The following PTPRG variants were observed in gnomAD, a reference collection of about 807,000 sequenced individuals.
PTPRG encodes the protein receptor-type tyrosine-protein phosphatase gamma.
A neutral mutation model predicts 165.3 loss-of-function variants in PTPRG; 102 were observed. The observed-to-expected ratio is 0.62, with a 90% CI of 0.53 to 0.73. The LOEUF (loss-of-function observed/expected upper bound fraction) is 0.73. PTPRG is among the 30% of genes least tolerant of loss of function. PTPRG has a pLI of 0.00. For synonymous variants in PTPRG, 675 were observed against 669.5 expected, an observed-to-expected ratio of 1.01 and a Z score of -0.13; for missense variants, 1,866 against 1,861.4, an observed-to-expected ratio of 1.00 and a Z score of -0.05.
At chr3:61,697,083 C>A (rs2030646708) in intron 1 of PTPRG, among the ~76,000 whole-genome samples, 1 of 152,102 alleles carries the variant, frequency 6.6e-6, no homozygotes, top group South Asian at 2.1e-4. Flanking sequence ...TTTTACCTTC[C>A]CTGACCCTTC....
chr3:61,977,024 A>C (rs2040525420), intron 2 of PTPRG, among the ~76,000 whole-genome samples: 1 of 151,146 alleles, frequency 6.6e-6, no homozygotes, highest in Admixed American at 6.6e-5. Flanking sequence ...TTGTTTCTCA[A>C]CCTTGTTTAT....
At chr3:61,649,631 C>T (rs774777542) in intron 1 of PTPRG, among the ~76,000 whole-genome samples, 2 of 152,166 alleles carry the variant, frequency 1.3e-5, no homozygotes, top group Admixed American at 6.5e-5. Flanking sequence ...ACAACACCTA[C>T]GTTTTGGAGG....
At chr3:61,656,318 G>A (rs1013529930) in intron 1 of PTPRG, among the ~76,000 whole-genome samples, 5 of 152,150 alleles carry the variant, frequency 3.3e-5, no homozygotes, top group Non-Finnish European at 5.9e-5. Context: ...CAGAAGGTGA[G>A]GTGACACAGA....
chr3:62,215,155 C>T (rs1700466371), intron 12 of PTPRG, among the ~76,000 whole-genome samples: 1 of 152,088 alleles, frequency 6.6e-6, no homozygotes, highest in Non-Finnish European at 1.5e-5. Flanking sequence ...CCTTGCTTTC[C>T]CCACTCAGGG....
intron 2 of PTPRG, among the ~76,000 whole-genome samples, chr3:61,857,692 A>G (rs1416608743): frequency 1.3e-5 from 2 of 152,226 alleles, no homozygotes; most frequent in South Asian, 4.1e-4. Context: ...TGCAAAGACT[A>G]ATATAGTTCC....
chr3:61,813,543 CTGTGTGTGTGTGTGTGTG>C (rs58097355), intron 2 of PTPRG, among the ~76,000 whole-genome samples: 102 of 116,916 alleles, frequency 8.7e-4, no homozygotes, highest in East Asian at 2.0e-3. Context: ...AAAAGAAAAT[CTGTGTGTGTGTGTGTGTG>C]TGTGTGTGTG....
At chr3:61,971,511 G>T (rs1453704421) in intron 2 of PTPRG, among the ~76,000 whole-genome samples, 10 of 152,178 alleles carry the variant, frequency 6.6e-5, no homozygotes, top group Admixed American at 4.6e-4. Context: ...TGCTCTTACA[G>T]TGCTGGGTAC....
intron 4 of PTPRG, among the ~76,000 whole-genome samples, chr3:62,043,731 G>T (rs1700197597): frequency 6.6e-6 from 1 of 152,136 alleles, no homozygotes; most frequent in South Asian, 2.1e-4. Flanking sequence ...CTTCTGCCAG[G>T]TTTATGATTG....
At chr3:61,590,082 G>A (rs1002174967) in intron 1 of PTPRG, among the ~76,000 whole-genome samples, 3 of 152,056 alleles carry the variant, frequency 2.0e-5, no homozygotes, top group South Asian at 2.1e-4. Flanking sequence ...AATGCCTAGA[G>A]CTTGTGTCCG....
At chr3:61,765,401 T>C (rs946433829) in intron 2 of PTPRG, among the ~76,000 whole-genome samples, 1 of 152,328 alleles carries the variant, frequency 6.6e-6, no homozygotes. Context: ...TGTTTTATTT[T>C]TGAGGTCTCT....
intron 14 of PTPRG, among the ~76,000 whole-genome samples, chr3:62,234,624 T>C (rs920512215): frequency 8.5e-5 from 13 of 152,140 alleles, no homozygotes; most frequent in Admixed American, 3.3e-4. Context: ...TTTATATCTT[T>C]TGCTTGTTTT....
intron 1 of PTPRG, among the ~76,000 whole-genome samples, chr3:61,573,065 G>C (rs963124254): frequency 6.6e-6 from 1 of 152,226 alleles, no homozygotes; most frequent in Admixed American, 6.5e-5. Flanking sequence ...TGGCTGTGTC[G>C]TTTTCTGGCT....
intron 2 of PTPRG, among the ~76,000 whole-genome samples, chr3:61,799,027 A>C (rs73084076): frequency 6.6e-6 from 1 of 151,484 alleles, no homozygotes; most frequent in East Asian, 1.9e-4. Context: ...AACATTAAAA[A>C]TTTTTTTTTA....
intron 8 of PTPRG, among the ~76,000 whole-genome samples, chr3:62,178,032 T>G: frequency 9.8e-6 from 1 of 101,650 alleles, no homozygotes; most frequent in South Asian, 3.7e-4. Context: ...CTGGATTGGA[T>G]GGGTTGTTGG....
intron 6 of PTPRG, among the ~76,000 whole-genome samples, chr3:62,140,948 A>C (rs1208787945): frequency 6.6e-6 from 1 of 151,776 alleles, no homozygotes; most frequent in African/African-American, 2.4e-5. Context: ...ATCTTTCTCT[A>C]TCTTGATCTA....
intron 4 of PTPRG, among the ~76,000 whole-genome samples, chr3:62,069,326 T>C (rs1701124393): frequency 1.3e-5 from 2 of 152,204 alleles, no homozygotes; most frequent in Admixed American, 6.5e-5. Flanking sequence ...TCCGGTCTTA[T>C]TCTATAGCAA....
chr3:62,120,098 TG>T (rs1703009190), intron 5 of PTPRG, among the ~76,000 whole-genome samples: 1 of 152,050 alleles, frequency 6.6e-6, no homozygotes, highest in Non-Finnish European at 1.5e-5. Context: ...TTTAGTTTTT[TG>T]GGTTTTTTTT....
At chr3:62,048,114 A>G (rs1013965868) in intron 4 of PTPRG, among the ~76,000 whole-genome samples, 2 of 152,192 alleles carry the variant, frequency 1.3e-5, no homozygotes, top group African/African-American at 4.8e-5. Flanking sequence ...TTAATAGAAC[A>G]TGTTAACATA....
chr3:61,658,906 T>G (rs1702585353), intron 1 of PTPRG, among the ~76,000 whole-genome samples: 1 of 152,210 alleles, frequency 6.6e-6, no homozygotes, highest in African/African-American at 2.4e-5. Context: ...CACCATGCCC[T>G]TGGAACTTCA....
Sources: allele counts gnomAD v4.1 joint callset (sites outside exome capture counted in the v4.1 genomes callset), GRCh38; gene constraint gnomAD v4.1.1; transcripts MANE v1.5; gene names NCBI Gene and HGNC (gene_info 2026-07-23, HGNC 2026-07-21).